The following F2 variants were observed in gnomAD, a reference collection of about 807,000 sequenced individuals.
F2 encodes coagulation factor II, thrombin.
F2 carries 34 observed loss-of-function variants against 81.9 expected under a neutral mutation model. That is an observed-to-expected ratio of 0.42 (90% CI 0.32 to 0.55). F2 has a LOEUF of 0.55. Ranked by LOEUF, F2 falls within the 20% of genes least tolerant of loss-of-function variation. The probability of loss-of-function intolerance (pLI) is 0.18; values close to 1 mark genes in which losing one functional copy is unlikely to be tolerated. For synonymous variants in F2, 296 were observed against 326.4 expected (o/e 0.91, Z 1.01); for missense variants, 630 against 833.4 (o/e 0.76, Z 3.00).
At position 46,728,287 on chromosome 11, in the gene F2, A is replaced by C. The variant is rs576108363; in HGVS notation, c.1298+124A>C. Reference sequence around the variant, plus strand: ...TATACCCCCCAGAATATAACATCCCAGCAGTCTCTGCTGGAAAGCCCATTT... The same window carrying C: ...TATACCCCCCAGAATATAACATCCCCGCAGTCTCTGCTGGAAAGCCCATTT... On this transcript the variant is annotated intron_variant, in intron 10 of 13. Transcript: ENST00000311907. This position sits in a 1 kb window ranked among gnomAD's most constrained non-coding sequence, Gnocchi z 5.1. The C allele has an allele frequency of 2.7e-6, 3 of 1,117,234 alleles. No individual in the cohort carries two copies. Among genetic ancestry groups the C allele is most frequent in the Non-Finnish European group, 3.9e-6 (3 of 761,226 alleles). The allele number at this position is 1,117,234 out of a possible 1,614,324, so 69.2% of individuals were successfully genotyped here. A position where few individuals can be genotyped will look rare whatever the true frequency, so the allele number is the denominator to read the frequency against.
In F2 at chr11:46,722,920, G is replaced by A. The variant is rs3136449; in HGVS notation, c.317-260G>A. Among the ~76,000 whole-genome samples the A allele has an allele frequency of 0.14, 21,506 of 152,236 alleles. 2,472 individuals carry two copies. The highest frequency in any genetic ancestry group is 0.59 in the East Asian group (3,043 of 5,150). Reference sequence around the variant, plus strand: ...GCCACAGAATGGAAGCTCCATGAGGGCAGGGCTGTGACTGTCCTATTGGTT... The same window carrying A: ...GCCACAGAATGGAAGCTCCATGAGGACAGGGCTGTGACTGTCCTATTGGTT... On this transcript the variant is annotated intron_variant, in intron 4 of 13. Coordinates refer to ENST00000311907, the MANE Select transcript of F2 (RefSeq NM_000506.5).
Position 46,739,443 on chromosome 11 carries a change from C to T in F2, c.*35C>T, listed in dbSNP as rs749644376. ...CATATTCTGGGCTCCTGGAACCAAT[C>T]CCGTGAAAGAATTATTTTTGTGTTT... On this transcript the variant is annotated 3_prime_UTR_variant, in exon 14 of 14. Coordinates refer to ENST00000311907, the MANE Select transcript of F2 (RefSeq NM_000506.5). 1.9e-6 allele frequency: 3 copies of T among 1,613,094 alleles called. No individual in the cohort carries two copies. The highest frequency in any genetic ancestry group is 1.1e-5 in the South Asian group (1 of 91,004).
intron 12 of F2, among the ~76,000 whole-genome samples, chr11:46,732,059 G>T (rs2064916403): frequency 6.6e-6 from 1 of 151,756 alleles, no homozygotes; most frequent in South Asian, 2.1e-4. Flanking sequence ...GGGATTACAG[G>T]CATGTGCCAC....
At chr11:46,731,486 C>A (rs2064911588) in intron 12 of F2, among the ~76,000 whole-genome samples, 1 of 151,234 alleles carries the variant, frequency 6.6e-6, no homozygotes, top group African/African-American at 2.4e-5. Context: ...TGGCCCAAAA[C>A]CAGGAAATTA....
chr11:46,723,641 A>C lies in F2; in HGVS notation c.559+123A>C. The C allele has an allele frequency of 1.0e-5, 13 of 1,303,914 alleles. No individual in the cohort carries two copies. The South Asian group carries it at 1.6e-4, about 16-fold the overall frequency. The allele number at this position is 1,303,914 out of a possible 1,614,324, so 80.8% of individuals were successfully genotyped here. On this transcript the variant is annotated intron_variant, in intron 6 of 13. Transcript: ENST00000311907. The surrounding 1 kb of genome is among the most constrained non-coding windows in gnomAD (Gnocchi z 5.6). ...CACAGTGGCTCATGCCCGTAATCCCAGCACTTTGGGAGGCTGAGGCAGGCA... is the reference window on the plus strand; with the variant it reads ...CACAGTGGCTCATGCCCGTAATCCCCGCACTTTGGGAGGCTGAGGCAGGCA...
Position 46,723,324 on chromosome 11 carries a change from CAG to C in F2, c.422+40_422+41del, listed in dbSNP as rs1314528528. The C allele has an allele frequency of 3.7e-6, 6 of 1,613,414 alleles. No homozygotes were observed. The highest frequency in any genetic ancestry group is 5.1e-6 in the Non-Finnish European group (6 of 1,179,484). ...CGGCCTTCCCACCATGGGCTGAGAA[CAG>C]GGAGCAAGCGTACCTCAAGCCCAAC... On this transcript the variant is annotated intron_variant, in intron 5 of 13. Coordinates refer to ENST00000311907, the MANE Select transcript of F2 (RefSeq NM_000506.5). The surrounding 1 kb of genome is among the most constrained non-coding windows in gnomAD (Gnocchi z 5.6).
In F2 at chr11:46,726,576, G is replaced by C. The variant is rs2064875322; in HGVS notation, c.953G>C (p.Ser318Thr). 7 of 1,614,166 alleles carry C rather than the reference G, an allele frequency of 4.3e-6. No homozygotes were observed. Among genetic ancestry groups the C allele is most frequent in the South Asian group, 2.2e-5 (2 of 91,090 alleles). The change falls in exon 8 of 14, where the codon AGT (serine) becomes ACT (threonine). Residue 318 changes from serine (S) to threonine (T), a missense_variant. Transcript: ENST00000311907. This position sits in a 1 kb window ranked among gnomAD's most constrained non-coding sequence, Gnocchi z 5.9. The part of the protein sequence containing the change: ...DRAIEGRTAT[S>T]EYQTFFNPRT... ...GCCATCGAAGGGCGTACCGCCACCA[G>C]TGAGTACCAGACTTTCTTCAATCCG... is the stretch of plus-strand genomic sequence containing the variant.
Position 46,726,174 on chromosome 11 carries a change from G to A in F2, c.874+1G>A, listed in dbSNP as rs2064871459. Reference sequence around the variant, plus strand: ...GGGTACTGCGACCTCAACTATTGTGGTGAGCTGCCTGGGTAGGGGGCCTGA... The same window carrying A: ...GGGTACTGCGACCTCAACTATTGTGATGAGCTGCCTGGGTAGGGGGCCTGA... On this transcript the variant is annotated splice_donor_variant, in intron 7 of 13. Coordinates refer to ENST00000311907, the MANE Select transcript of F2 (RefSeq NM_000506.5). LOFTEE classifies it high-confidence loss of function. The surrounding 1 kb of genome is among the most constrained non-coding windows in gnomAD (Gnocchi z 5.9). 1 of 1,613,222 alleles carries A rather than the reference G, an allele frequency of 6.2e-7. No homozygotes were observed. Among genetic ancestry groups the A allele is most frequent in the Non-Finnish European group, 8.5e-7 (1 of 1,179,812 alleles).
At chr11:46,720,642 C>T (rs2064830368) in intron 3 of F2, 95 bp downstream of exon 3, 2 of 1,518,962 alleles carry the variant, frequency 1.3e-6, no homozygotes, top group Non-Finnish European at 1.8e-6. Flanking sequence ...CCTAGCCATC[C>T]ACCCATCCAC....
chr11:46,731,918 T>G (rs891033523), intron 12 of F2, among the ~76,000 whole-genome samples: 25 of 126,672 alleles, frequency 2.0e-4, no homozygotes, highest in African/African-American at 4.4e-4. Context: ...TGATGTTTTT[T>G]TTTTTTTTTT....
chr11:46,735,309 C>T (rs1283825661), intron 12 of F2, among the ~76,000 whole-genome samples: 5 of 152,002 alleles, frequency 3.3e-5, no homozygotes, highest in African/African-American at 9.7e-5. Flanking sequence ...GGTGTGGTGG[C>T]GCATGCCTGT....
In F2 at chr11:46,726,959, TC is replaced by T; in HGVS notation, c.1130+125del. 1 of 1,446,220 alleles carries T rather than the reference TC, an allele frequency of 6.9e-7. No individual in the cohort carries two copies. The allele number at this position is 1,446,220 out of a possible 1,614,324, so 89.6% of individuals were successfully genotyped here. The stretch of plus-strand genomic sequence containing the variant: ...GATGACAACAGCTGAGCATCCAGGA[TC>T]CCACCAACTCCACACAGCAGCCACA... On this transcript the variant is annotated intron_variant, in intron 9 of 13. Coordinates refer to ENST00000311907, the MANE Select transcript of F2 (RefSeq NM_000506.5). The surrounding 1 kb of genome is among the most constrained non-coding windows in gnomAD (Gnocchi z 5.9).
intron 4 of F2, among the ~76,000 whole-genome samples, chr11:46,722,276 A>T (rs914095345): frequency 2.6e-5 from 4 of 152,240 alleles, no homozygotes; most frequent in Admixed American, 2.6e-4. Flanking sequence ...AAATCTCAAA[A>T]GAGAACAAAA....
intron 9 of F2, 46 bp from the exon 10 acceptor site, chr11:46,727,950 A>C: frequency 6.4e-7 from 1 of 1,568,814 alleles, no homozygotes; most frequent in Non-Finnish European, 8.6e-7. Context: ...GTGTAGAGGC[A>C]GCCCCCTCAT....
At position 46,728,928 on chromosome 11, in the gene F2, CT is replaced by C; in HGVS notation, c.1472+95del. On this transcript the variant is annotated intron_variant, in intron 11 of 13. Coordinates refer to ENST00000311907, the MANE Select transcript of F2 (RefSeq NM_000506.5). The surrounding 1 kb of genome is among the most constrained non-coding windows in gnomAD (Gnocchi z 5.1). The stretch of plus-strand genomic sequence containing the variant: ...AGTAGCCTTGCAAGAGCCCCTTTCC[CT>C]TTTCCAGGCCTCGGTTTCTTGGAGT... The C allele has an allele frequency of 7.1e-7, 1 of 1,405,918 alleles. No individual in the cohort carries two copies. The highest frequency in any genetic ancestry group is 1.8e-5 in the Admixed American group (1 of 56,562). 87.1% of individuals were successfully genotyped at this position (1,405,918 alleles called of 1,614,324 possible).
intron 11 of F2, among the ~76,000 whole-genome samples, chr11:46,729,139 G>C (rs2134536614): frequency 6.6e-6 from 1 of 152,200 alleles, no homozygotes; most frequent in Non-Finnish European, 1.5e-5. Context: ...GGGATTACAG[G>C]CTAATTTTTG....
rs1162943277 is a variant in F2 at position 46,723,753 on chromosome 11, G to A, written c.559+235G>A. Among the ~76,000 whole-genome samples, 1 of 152,168 alleles carries A rather than the reference G, an allele frequency of 6.6e-6. No homozygotes were observed. Among genetic ancestry groups the A allele is most frequent in the Non-Finnish European group, 1.5e-5 (1 of 68,038 alleles). ...TAAAAATACAAAAATTGCCAGGCGTGGTGGTGGGCGCCTGTAATCCCAACT... is the reference window on the plus strand; with the variant it reads ...TAAAAATACAAAAATTGCCAGGCGTAGTGGTGGGCGCCTGTAATCCCAACT... On this transcript the variant is annotated intron_variant, in intron 6 of 13. Transcript: ENST00000311907. This position sits in a 1 kb window ranked among gnomAD's most constrained non-coding sequence, Gnocchi z 5.6.
chr11:46,719,444 A>G lies in F2; in HGVS notation c.79+130A>G. On this transcript the variant is annotated intron_variant, in intron 1 of 13. Transcript: ENST00000311907. This position sits in a 1 kb window ranked among gnomAD's most constrained non-coding sequence, Gnocchi z 4.7. The stretch of plus-strand genomic sequence containing the variant: ...GGTCTCAGCCCCAGGCGGCCAGCTT[A>G]GGGAAGAAGTCAGGAGCTCAGGGCT... 8.7e-7 allele frequency: 1 copy of G among 1,145,656 alleles called. No homozygotes were observed. The highest frequency in any genetic ancestry group is 1.3e-6 in the Non-Finnish European group (1 of 786,118). 71.0% of individuals were successfully genotyped at this position (1,145,656 alleles called of 1,614,324 possible). A position where few individuals can be genotyped will look rare whatever the true frequency, so the allele number is the denominator to read the frequency against.
rs1236175251 is a variant in F2, at chr11:46,719,572, C to T, written c.80-130C>T. 5.5e-6 allele frequency: 7 copies of T among 1,267,438 alleles called. No individual in the cohort carries two copies. The East Asian group carries it at 1.5e-4, about 28-fold the overall frequency. 78.5% of individuals were successfully genotyped at this position (1,267,438 alleles called of 1,614,324 possible). A position where few individuals can be genotyped will look rare whatever the true frequency, so the allele number is the denominator to read the frequency against. On this transcript the variant is annotated intron_variant, in intron 1 of 13. Coordinates refer to ENST00000311907, the MANE Select transcript of F2 (RefSeq NM_000506.5). The surrounding 1 kb of genome is among the most constrained non-coding windows in gnomAD (Gnocchi z 4.7). ...GGGCCACATTTAGCAGCCTTCCAGG[C>T]ACTTCCACCAGCCCAGACAGCCTCT...
Sources: gnomAD v4.1 joint callset for allele counts (sites outside exome capture counted in the v4.1 genomes callset) on GRCh38, gnomAD v4.1.1 for gene constraint, Gnocchi (gnomAD v3.1) non-coding constraint, MANE v1.5 for transcripts, NCBI Gene and HGNC (gene_info 2026-07-23, HGNC 2026-07-21) for gene names.